The following TAFA4 variants were observed in gnomAD, a reference collection of about 807,000 sequenced individuals.
TAFA4 encodes the protein TAFA chemokine like family member 4.
In TAFA4, 20 loss-of-function variants were observed where a neutral mutation model predicts 21.1. The observed-to-expected ratio is 0.95, with a 90% confidence interval of 0.67 to 1.38. The LOEUF (loss-of-function observed/expected upper bound fraction) is 1.38, where lower values mean the gene tolerates loss of function less well. Among genes scored for constraint, TAFA4 ranks in the 40% most tolerant of loss-of-function variants. The pLI is 0.00. For synonymous variants in TAFA4, 71 were observed against 67.4 expected (o/e 1.05, Z -0.26); for missense variants, 211 against 180.9 (o/e 1.17, Z -0.95).
intron 3 of TAFA4, among the ~76,000 whole-genome samples, chr3:68,771,685 T>C (rs145107735): frequency 1.6e-4 from 25 of 152,242 alleles, no homozygotes; most frequent in African/African-American, 6.0e-4. Flanking sequence ...AGAAGAAGTT[T>C]AGATGTCAAC....
intron 3 of TAFA4, among the ~76,000 whole-genome samples, chr3:68,776,113 T>C (rs1348692221): frequency 4.0e-5 from 6 of 151,780 alleles, no homozygotes; most frequent in Admixed American, 2.0e-4. Context: ...TGGAGGGACA[T>C]AAAAAGAGAG....
At chr3:68,834,166 C>A (rs146165023) in intron 3 of TAFA4, among the ~76,000 whole-genome samples, 1 of 152,070 alleles carries the variant, frequency 6.6e-6, no homozygotes, top group South Asian at 2.1e-4. Context: ...TGGAAGGATC[C>A]CTTTTAGGGT....
intron 3 of TAFA4, among the ~76,000 whole-genome samples, chr3:68,791,647 T>C (rs1703362923): frequency 6.6e-6 from 1 of 152,200 alleles, no homozygotes; most frequent in South Asian, 2.1e-4. Flanking sequence ...ATAAATGACT[T>C]TGTTTCTGTC....
At chr3:68,831,670 C>T (rs983795318) in intron 3 of TAFA4, among the ~76,000 whole-genome samples, 1 of 152,022 alleles carries the variant, frequency 6.6e-6, no homozygotes, top group Admixed American at 6.6e-5. Flanking sequence ...CTTGGGGTTG[C>T]TCGTCTTGAG....
chr3:68,763,826 C>T (rs1702800114), intron 3 of TAFA4, among the ~76,000 whole-genome samples: 1 of 149,978 alleles, frequency 6.7e-6, no homozygotes, highest in Non-Finnish European at 1.5e-5. Context: ...CTGAGGGGAT[C>T]TCATCATTAG....
chr3:68,919,148 TC>T (rs1469273486), intron 1 of TAFA4, among the ~76,000 whole-genome samples: 2 of 152,190 alleles, frequency 1.3e-5, no homozygotes, highest in African/African-American at 4.8e-5. Flanking sequence ...ACCAGCATTT[TC>T]AAGGGCAAGA....
intron 1 of TAFA4, among the ~76,000 whole-genome samples, chr3:68,931,088 G>C (rs1357677858): frequency 6.6e-6 from 1 of 152,176 alleles, no homozygotes; most frequent in Admixed American, 6.5e-5. Flanking sequence ...TGGCAGCTAC[G>C]AGTTATGGTG....
At chr3:68,846,204 T>C (rs1422884234) in intron 3 of TAFA4, among the ~76,000 whole-genome samples, 1 of 152,064 alleles carries the variant, frequency 6.6e-6, no homozygotes, top group African/African-American at 2.4e-5. Flanking sequence ...TTGGAGGCTT[T>C]GTTCGTTCCT....
intron 1 of TAFA4, among the ~76,000 whole-genome samples, chr3:68,915,430 T>A (rs1175464993): frequency 6.6e-6 from 1 of 152,220 alleles, no homozygotes; most frequent in East Asian, 1.9e-4. Context: ...ACCAACCAAC[T>A]GTAGAGTCCT....
intron 3 of TAFA4, among the ~76,000 whole-genome samples, chr3:68,806,587 T>C (rs574677532): frequency 6.6e-6 from 1 of 152,272 alleles, no homozygotes; most frequent in East Asian, 1.9e-4. Flanking sequence ...TTTACTGTAA[T>C]GGACTAAATC....
chr3:68,792,819 C>A (rs1463080559), intron 3 of TAFA4, among the ~76,000 whole-genome samples: 5 of 152,138 alleles, frequency 3.3e-5, no homozygotes, highest in African/African-American at 7.2e-5. Context: ...AAGATAGAAA[C>A]AACTTTGCTT....
intron 1 of TAFA4, among the ~76,000 whole-genome samples, chr3:68,930,999 G>GA (rs1164708664): frequency 1.3e-5 from 2 of 152,192 alleles, no homozygotes; most frequent in Non-Finnish European, 2.9e-5. Context: ...GAGTGTTCTA[G>GA]AGGGGGCCAA....
At chr3:68,833,874 C>G (rs1188107747) in intron 3 of TAFA4, among the ~76,000 whole-genome samples, 1 of 152,152 alleles carries the variant, frequency 6.6e-6, no homozygotes, top group Non-Finnish European at 1.5e-5. Flanking sequence ...GTTAGAAGAT[C>G]TTAGGAAATT....
rs1358603597 is a variant in TAFA4 at position 68,739,139 on chromosome 3, C to T, written c.347G>A (p.Cys116Tyr). 3 of 1,614,010 alleles carry T rather than the reference C, an allele frequency of 1.9e-6. No homozygotes were observed. The highest frequency in any genetic ancestry group is 2.5e-6 in the Non-Finnish European group (3 of 1,179,910). ...ACCTGAGTAATCTGGCAGCACTTTA[C>T]AATCCTCTCCTTCCAAACACGGATT... ...HMNPCLEGED[C>Y]KVLPDYSGWS... The change falls in exon 5 of 6, where the codon TGT becomes TAT. Residue 116 changes from cysteine to tyrosine, a missense_variant. Cys to Tyr is a radical substitution (Grantham distance 194, BLOSUM62 -2). Coordinates refer to ENST00000295569, the MANE Select transcript of TAFA4 (RefSeq NM_182522.5).
At chr3:68,895,290 G>A (rs539683619) in intron 1 of TAFA4, among the ~76,000 whole-genome samples, 3 of 152,138 alleles carry the variant, frequency 2.0e-5, no homozygotes, top group Admixed American at 6.5e-5. Context: ...CAGCCACCGC[G>A]CCCAGCCTTA....
At chr3:68,871,608 A>T (rs571994390) in intron 3 of TAFA4, among the ~76,000 whole-genome samples, 1 of 152,288 alleles carries the variant, frequency 6.6e-6, no homozygotes, top group South Asian at 2.1e-4. Context: ...CAAAGTGAAA[A>T]GATAACCTAT....
At chr3:68,802,696 A>G (rs1703602344) in intron 3 of TAFA4, among the ~76,000 whole-genome samples, 1 of 152,222 alleles carries the variant, frequency 6.6e-6, no homozygotes, top group Non-Finnish European at 1.5e-5. Flanking sequence ...TGAACAACAC[A>G]GAGCACACAG....
intron 3 of TAFA4, among the ~76,000 whole-genome samples, chr3:68,861,216 A>G (rs1243626715): frequency 6.6e-6 from 1 of 151,836 alleles, no homozygotes; most frequent in Non-Finnish European, 1.5e-5. Flanking sequence ...GTCCATTGCT[A>G]AGGGAATCCA....
Position 68,763,731 on chromosome 3 carries a change from T to C in TAFA4, c.131-10713A>G, listed in dbSNP as rs146507601. Reference sequence around the variant, plus strand: ...AGTTTTCTTAATCAGAAGTCTACTATCTGTTTACCACTTTTTTTCTAATAA... The same window carrying C: ...AGTTTTCTTAATCAGAAGTCTACTACCTGTTTACCACTTTTTTTCTAATAA... On this transcript the variant is annotated intron_variant, in intron 3 of 5. Transcript: ENST00000295569. 1.2e-3 allele frequency among the ~76,000 whole-genome samples: 188 copies of C among 152,264 alleles called. 5 individuals carry two copies. In the East Asian group the frequency reaches 0.033, roughly 27 times the overall value.
Sources: gnomAD v4.1 joint callset for allele counts (sites outside exome capture counted in the v4.1 genomes callset) on GRCh38, gnomAD v4.1.1 for gene constraint, MANE v1.5 for transcripts, NCBI Gene and HGNC (gene_info 2026-07-23, HGNC 2026-07-21) for gene names.